The following ZNF493 variants were observed in gnomAD, a reference collection of about 807,000 sequenced individuals.
ZNF493 encodes the protein zinc finger protein 493.
A neutral mutation model predicts 12.2 loss-of-function variants in ZNF493; 11 were observed. The ratio of observed to expected loss-of-function variants is 0.90; its 90% CI spans 0.57 to 1.50. The LOEUF is 1.50. Among genes scored for constraint, ZNF493 ranks in the 40% most tolerant of loss-of-function variants. The pLI is 0.00. For missense variants in ZNF493, 950 were observed against 906.6 expected (o/e 1.05, Z -0.61); for synonymous variants, 286 against 302.6 (o/e 0.95, Z 0.57).
chr19:21,405,906 TTAA>T, intron 3 of ZNF493, 50 bp downstream of exon 3: 1 of 320,834 alleles, frequency 3.1e-6, no homozygotes, highest in Non-Finnish European at 4.6e-6. Flanking sequence ...GTTGAAAGAT[TTAA>T]AAAAAAAAAA....
At chr19:21,408,038 G>A in intron 3 of ZNF493, 2 of 984,576 alleles carry the variant, frequency 2.0e-6, no homozygotes, top group Non-Finnish European at 2.4e-6. Context: ...TAACTTGGTT[G>A]CAAGGCTGCT....
chr19:21,411,374 T>C (rs1451041220), intron 3 of ZNF493, among the ~76,000 whole-genome samples: 3 of 152,124 alleles, frequency 2.0e-5, no homozygotes, highest in African/African-American at 7.2e-5. Context: ...ATAATGTCTC[T>C]CTGTTCTTTT....
chr19:21,397,523 C>T lies in ZNF493; in HGVS notation c.30+256C>T, dbSNP rs142984957. 1.3e-4 allele frequency: 76 copies of T among 596,572 alleles called. No individual in the cohort carries two copies. The African/African-American group carries it at 1.3e-3, about 10-fold the overall frequency. 37.0% of individuals were successfully genotyped at this position (596,572 alleles called of 1,614,324 possible). A position where few individuals can be genotyped will look rare whatever the true frequency, so the allele number is the denominator to read the frequency against. On this transcript the variant is annotated intron_variant, in intron 1 of 3. Transcript: ENST00000392288. Reference sequence around the variant, plus strand: ...TGGAGTCCTCTCTGGCAGTTCTGCACCCGCAGCGCCGCGTCTTTCTCAGAT... The same window carrying T: ...TGGAGTCCTCTCTGGCAGTTCTGCATCCGCAGCGCCGCGTCTTTCTCAGAT...
chr19:21,411,808 A>G (rs1158416947), intron 3 of ZNF493: 1 of 151,486 alleles, frequency 6.6e-6, no homozygotes, highest in Non-Finnish European at 1.5e-5. Flanking sequence ...CTTTCACCCA[A>G]GCAAGAGTAC....
At chr19:21,410,722 C>G (rs1018785262) in intron 3 of ZNF493, among the ~76,000 whole-genome samples, 8 of 151,716 alleles carry the variant, frequency 5.3e-5, no homozygotes, top group African/African-American at 1.9e-4. Flanking sequence ...GAAAATGGTG[C>G]CAAGACTCAT....
intron 1 of ZNF493, among the ~76,000 whole-genome samples, chr19:21,402,336 A>G (rs769274009): frequency 1.2e-4 from 18 of 152,068 alleles, no homozygotes; most frequent in Admixed American, 2.0e-4. Context: ...TCAATTTCTT[A>G]TTTGTTCAGT....
Position 21,423,021 on chromosome 19 carries a change from A to G in ZNF493, c.362A>G (p.Gln121Arg). 6.2e-7 allele frequency: 1 copy of G among 1,613,114 alleles called. No homozygotes were observed. The highest frequency in any genetic ancestry group is 1.7e-5 in the Admixed American group (1 of 59,932). The change falls in exon 4 of 4, where the codon CAG becomes CGG. Residue 121 changes from glutamine to arginine, a missense_variant. Coordinates refer to ENST00000392288, the MANE Select transcript of ZNF493 (RefSeq NM_001076678.3). ...EYVKCGHKDL[Q>R]LRKGCKSMNE... is the part of the protein sequence containing the mutation. ...GTAAAATGTGGACATAAGGATTTACAGTTAAGAAAAGGATGTAAAAGTATG... is the reference window on the plus strand; with the variant it reads ...GTAAAATGTGGACATAAGGATTTACGGTTAAGAAAAGGATGTAAAAGTATG...
chr19:21,425,015 T>C lies in ZNF493; in HGVS notation c.*31T>C. 1 of 1,566,224 alleles carries C rather than the reference T, an allele frequency of 6.4e-7. No individual in the cohort carries two copies. Among genetic ancestry groups the C allele is most frequent in the Non-Finnish European group, 8.6e-7 (1 of 1,159,590 alleles). On this transcript the variant is annotated 3_prime_UTR_variant, in exon 4 of 4. Coordinates refer to ENST00000392288, the MANE Select transcript of ZNF493 (RefSeq NM_001076678.3). ...GTGGCAAAGGCCTTTACTGCTCCTATTCCCTTACTAAAGAATGTGGCAAAG... is the reference window on the plus strand; with the variant it reads ...GTGGCAAAGGCCTTTACTGCTCCTACTCCCTTACTAAAGAATGTGGCAAAG...
At chr19:21,408,631 T>G in intron 3 of ZNF493, 1 of 985,162 alleles carries the variant, frequency 1.0e-6, no homozygotes, top group South Asian at 4.7e-5. Flanking sequence ...GAGTTAAACG[T>G]CTCTTCCTGT....
chr19:21,405,523 T>C (rs2030093047), intron 2 of ZNF493: 3 of 1,328,082 alleles, frequency 2.3e-6, no homozygotes, highest in Admixed American at 3.4e-5. Flanking sequence ...AATATTGTTG[T>C]CCATATGTTA....
chr19:21,425,155 A>G lies in ZNF493; in HGVS notation c.*171A>G, dbSNP rs1167266567. ...TATTGATTCTCATACCTTACTAAATATAAGATAATTCATATTGGAGAGAAA... is the reference window on the plus strand; with the variant it reads ...TATTGATTCTCATACCTTACTAAATGTAAGATAATTCATATTGGAGAGAAA... On this transcript the variant is annotated 3_prime_UTR_variant, in exon 4 of 4. Coordinates refer to ENST00000392288, the MANE Select transcript of ZNF493 (RefSeq NM_001076678.3). 4 of 825,548 alleles carry G rather than the reference A, an allele frequency of 4.8e-6. No individual in the cohort carries two copies. Among genetic ancestry groups the G allele is most frequent in the East Asian group, 2.6e-5 (1 of 38,626 alleles). The allele number at this position is 825,548 out of a possible 1,614,324, so 51.1% of individuals were successfully genotyped here. A position where few individuals can be genotyped will look rare whatever the true frequency, so the allele number is the denominator to read the frequency against.
intron 3 of ZNF493, among the ~76,000 whole-genome samples, chr19:21,406,761 G>T (rs1490777481): frequency 6.6e-6 from 1 of 151,014 alleles, no homozygotes; most frequent in African/African-American, 2.4e-5. Flanking sequence ...AATTAATTTG[G>T]CTATTCGAAG....
In ZNF493 at chr19:21,425,251, A is replaced by G; in HGVS notation, c.*267A>G. The G allele has an allele frequency of 1.9e-6, 1 of 512,872 alleles. No homozygotes were observed. The highest frequency in any genetic ancestry group is 3.6e-6 in the Non-Finnish European group (1 of 275,602). 31.8% of individuals were successfully genotyped at this position (512,872 alleles called of 1,614,324 possible). On this transcript the variant is annotated 3_prime_UTR_variant, in exon 4 of 4. Coordinates refer to ENST00000392288, the MANE Select transcript of ZNF493 (RefSeq NM_001076678.3). ...TCCCTTACTAAACATAAGAGAATTC[A>G]TACCATAGAGAAATCCTACAAATAT...
At chr19:21,413,591 G>T (rs2030394332) in intron 3 of ZNF493, 2 of 407,524 alleles carry the variant, frequency 4.9e-6, no homozygotes, top group Admixed American at 8.8e-5. Context: ...GCAACGAGGG[G>T]GTCCTCGGGA....
At chr19:21,408,881 CT>C (rs201812196) in intron 3 of ZNF493, 53,399 of 578,142 alleles carry the variant, frequency 0.092, 7 homozygotes, top group Non-Finnish European at 0.1. Context: ...TTCTTTCTTT[CT>C]TTTTTTTTTT....
At chr19:21,412,046 AGACCCTAACCCAACGG>A (rs1194185001) in intron 3 of ZNF493, 1 of 152,092 alleles carries the variant, frequency 6.6e-6, no homozygotes, top group Non-Finnish European at 1.5e-5. Context: ...TCAGTCGGGG[AGACCCTAACCCAACGG>A]TGCTAGAGGA....
At chr19:21,415,060 A>G (rs2030439726) in intron 3 of ZNF493, among the ~76,000 whole-genome samples, 1 of 152,154 alleles carries the variant, frequency 6.6e-6, no homozygotes, top group Non-Finnish European at 1.5e-5. Flanking sequence ...CCCAATCCCT[A>G]TCACAGTAGC....
At chr19:21,408,739 T>C in intron 3 of ZNF493, 4 of 985,232 alleles carry the variant, frequency 4.1e-6, no homozygotes, top group Non-Finnish European at 4.8e-6. Flanking sequence ...TTTGCAATTC[T>C]GTCTGTATAC....
intron 3 of ZNF493, chr19:21,408,427 C>A (rs1173701151): frequency 1.0e-6 from 1 of 984,586 alleles, no homozygotes; most frequent in East Asian, 1.1e-4. Flanking sequence ...CCACCCCCGG[C>A]CACTTGTTTC....
Sources: allele counts gnomAD v4.1 joint callset (sites outside exome capture counted in the v4.1 genomes callset), GRCh38; gene constraint gnomAD v4.1.1; transcripts MANE v1.5; gene names NCBI Gene and HGNC (gene_info 2026-07-23, HGNC 2026-07-21).